H2AC15: variants seen among roughly 807,000 people sequenced by gnomAD.
The protein encoded by H2AC15 is histone H2A type 1.
In H2AC15, 7 loss-of-function variants were observed where a neutral mutation model predicts 7.8. The observed-to-expected ratio is 0.90, with a 90% CI of 0.51 to 1.69. H2AC15 has a LOEUF of 1.69. Ranked by LOEUF, H2AC15 falls within the 40% of genes most tolerant of loss-of-function variation. The pLI is 0.00. For missense variants in H2AC15, 234 were observed against 174.7 expected, an observed-to-expected ratio of 1.34 and a Z score of -1.91; for synonymous variants, 125 against 79.3, an observed-to-expected ratio of 1.58 and a Z score of -3.06.
Position 27,838,088 on chromosome 6 carries a change from C to T in H2AC15, c.252G>A (p.Leu84=), listed in dbSNP as rs1761063124. 1 of 1,614,054 alleles carries T rather than the reference C, an allele frequency of 6.2e-7. No homozygotes were observed. Among genetic ancestry groups the T allele is most frequent in the Non-Finnish European group, 8.5e-7 (1 of 1,180,024 alleles). ...CCTCGTCGTTGCGGATGGCCAGCTG[C>T]AAGTGGCGCGGGATGATGCGGGTCT... is the stretch of plus-strand genomic sequence containing the variant. ...NKKTRIIPRH[L]QLAIRNDEEL... Residue 84 remains leucine, a synonymous_variant, in exon 1 of 1, where the codon TTG becomes TTA. Coordinates refer to ENST00000618958, the MANE Select transcript of H2AC15 (RefSeq NM_003510.3).
chr6:27,838,278 C>G lies in H2AC15; in HGVS notation c.62G>C (p.Arg21Thr). The change falls in exon 1 of 1, where the codon AGG (arginine) becomes ACG (threonine). Residue 21 changes from arginine to threonine, a missense_variant. Arg to Thr is a moderately conservative substitution (Grantham distance 71). Coordinates refer to ENST00000618958, the MANE Select transcript of H2AC15 (RefSeq NM_003510.3). ...ARAKAKTRSS[R>T]AGLQFPVGRV... Reference sequence around the variant, plus strand: ...GCCCACTGGGAACTGAAGACCCGCCCTTGAAGAACGGGTCTTAGCCTTGGC... The same window carrying G: ...GCCCACTGGGAACTGAAGACCCGCCGTTGAAGAACGGGTCTTAGCCTTGGC... 6.2e-7 allele frequency: 1 copy of G among 1,612,632 alleles called. No individual in the cohort carries two copies. Among genetic ancestry groups the G allele is most frequent in the East Asian group, 2.2e-5 (1 of 44,824 alleles).
At position 27,838,104 on chromosome 6, in the gene H2AC15, A is replaced by C. The variant is rs748101619; in HGVS notation, c.236T>G (p.Ile79Ser). 5 of 1,614,042 alleles carry C rather than the reference A, an allele frequency of 3.1e-6. No individual in the cohort carries two copies. The highest frequency in any genetic ancestry group is 4.5e-5 in the East Asian group (2 of 44,894). ...NAARDNKKTR[I>S]IPRHLQLAIR... ...GGCCAGCTGCAAGTGGCGCGGGATG[A>C]TGCGGGTCTTCTTGTTGTCGCGGGC... The change falls in exon 1 of 1, where the codon ATC becomes AGC. Residue 79 changes from isoleucine (I) to serine (S), a missense_variant. Transcript: ENST00000618958.
In H2AC15 at chr6:27,838,242, C is replaced by T; in HGVS notation, c.98G>A (p.Arg33Gln). The T allele has an allele frequency of 6.8e-6, 11 of 1,613,904 alleles. No individual in the cohort carries two copies. Among genetic ancestry groups the T allele is most frequent in the Non-Finnish European group, 9.3e-6 (11 of 1,179,948 alleles). Residue 33 changes from arginine (R) to glutamine (Q), a missense_variant, in exon 1 of 1, where the codon CGA (arginine) becomes CAA (glutamine). Transcript: ENST00000618958. Reference protein sequence around the residue: ...GLQFPVGRVHRLLRKGNYAER... With the variant: ...GLQFPVGRVHQLLRKGNYAER... ...AGCGTAGTTGCCCTTGCGGAGCAGT[C>T]GGTGCACTCGGCCCACTGGGAACTG...
In H2AC15 at chr6:27,838,370, G is replaced by A. The variant is rs765052099; in HGVS notation, c.-31C>T. On this transcript the variant is annotated 5_prime_UTR_variant, in exon 1 of 1. Coordinates refer to ENST00000618958, the MANE Select transcript of H2AC15 (RefSeq NM_003510.3). Reference sequence around the variant, plus strand: ...AAAAAATTCAATCAGTAACGTTCCTGAGACTGACGTAACGCTAAAGCTCCG... The same window carrying A: ...AAAAAATTCAATCAGTAACGTTCCTAAGACTGACGTAACGCTAAAGCTCCG... The A allele has an allele frequency of 1.3e-6, 2 of 1,550,274 alleles. No individual in the cohort carries two copies. Among genetic ancestry groups the A allele is most frequent in the African/African-American group, 1.4e-5 (1 of 73,090 alleles).
At position 27,838,310 on chromosome 6, in the gene H2AC15, T is replaced by C; in HGVS notation, c.30A>G (p.Lys10=). The change falls in exon 1 of 1, where the codon AAA becomes AAG. Residue 10 remains lysine, a synonymous_variant. Transcript: ENST00000618958. The part of the protein sequence containing the change: MSGRGKQGG[K]ARAKAKTRSS... ...AACGGGTCTTAGCCTTGGCGCGAGCTTTGCCGCCCTGCTTGCCACGTCCCG... is the reference window on the plus strand; with the variant it reads ...AACGGGTCTTAGCCTTGGCGCGAGCCTTGCCGCCCTGCTTGCCACGTCCCG... 2 of 1,595,394 alleles carry C rather than the reference T, an allele frequency of 1.3e-6. No homozygotes were observed. Among genetic ancestry groups the C allele is most frequent in the South Asian group, 2.2e-5 (2 of 89,564 alleles).
chr6:27,838,369 T>A lies in H2AC15; in HGVS notation c.-30A>T, dbSNP rs1462658081. 1 of 1,551,438 alleles carries A rather than the reference T, an allele frequency of 6.4e-7. No individual in the cohort carries two copies. Among genetic ancestry groups the A allele is most frequent in the African/African-American group, 1.4e-5 (1 of 73,030 alleles). On this transcript the variant is annotated 5_prime_UTR_variant, in exon 1 of 1. Transcript: ENST00000618958. Reference sequence around the variant, plus strand: ...TAAAAAATTCAATCAGTAACGTTCCTGAGACTGACGTAACGCTAAAGCTCC... The same window carrying A: ...TAAAAAATTCAATCAGTAACGTTCCAGAGACTGACGTAACGCTAAAGCTCC...
chr6:27,838,289 G>A lies in H2AC15; in HGVS notation c.51C>T (p.Thr17=), dbSNP rs763605761. ...QGGKARAKAK[T]RSSRAGLQFP... is the part of the protein sequence containing the mutation. ...ACTGAAGACCCGCCCTTGAAGAACG[G>A]GTCTTAGCCTTGGCGCGAGCTTTGC... Residue 17 remains threonine, a synonymous_variant, in exon 1 of 1, where the codon ACC becomes ACT. Transcript: ENST00000618958. The A allele has an allele frequency of 3.1e-6, 5 of 1,606,628 alleles. No individual in the cohort carries two copies. Among genetic ancestry groups the A allele is most frequent in the Non-Finnish European group, 4.3e-6 (5 of 1,175,820 alleles).
rs1561933336 is a variant in H2AC15, at chr6:27,838,140, G to A, written c.200C>T (p.Ala67Val). ...EYLTAEILEL[A>V]GNAARDNKKT... ...CTTGTTGTCGCGGGCCGCGTTGCCA[G>A]CCAGTTCCAGGATCTCGGCGGTTAG... Residue 67 changes from alanine (A) to valine (V), a missense_variant, in exon 1 of 1, where the codon GCT becomes GTT. Coordinates refer to ENST00000618958, the MANE Select transcript of H2AC15 (RefSeq NM_003510.3). 7 of 1,614,192 alleles carry A rather than the reference G, an allele frequency of 4.3e-6. No individual in the cohort carries two copies. The highest frequency in any genetic ancestry group is 5.9e-6 in the Non-Finnish European group (7 of 1,180,046).
Position 27,838,316 on chromosome 6 carries a change from G to T in H2AC15, c.24C>A (p.Gly8=). 1.9e-6 allele frequency: 3 copies of T among 1,590,792 alleles called. No homozygotes were observed. The highest frequency in any genetic ancestry group is 2.6e-6 in the Non-Finnish European group (3 of 1,166,964). Residue 8 remains glycine (G), a synonymous_variant, in exon 1 of 1, where the codon GGC becomes GGA. Transcript: ENST00000618958. Reference sequence around the variant, plus strand: ...TCTTAGCCTTGGCGCGAGCTTTGCCGCCCTGCTTGCCACGTCCCGACATGA... The same window carrying T: ...TCTTAGCCTTGGCGCGAGCTTTGCCTCCCTGCTTGCCACGTCCCGACATGA... MSGRGKQ[G]GKARAKAKTR...
At position 27,838,301 on chromosome 6, in the gene H2AC15, G is replaced by A. The variant is rs766204134; in HGVS notation, c.39C>T (p.Ala13=). 3 of 1,601,646 alleles carry A rather than the reference G, an allele frequency of 1.9e-6. No individual in the cohort carries two copies. The highest frequency in any genetic ancestry group is 2.2e-5 in the East Asian group (1 of 44,696). Residue 13 remains alanine, a synonymous_variant, in exon 1 of 1, where the codon GCC becomes GCT. Transcript: ENST00000618958. ...GRGKQGGKAR[A]KAKTRSSRAG... is the part of the protein sequence containing the mutation. ...CCCTTGAAGAACGGGTCTTAGCCTT[G>A]GCGCGAGCTTTGCCGCCCTGCTTGC...
Position 27,838,109 on chromosome 6 carries a change from G to A in H2AC15, c.231C>T (p.Thr77=). ...GCTGCAAGTGGCGCGGGATGATGCG[G>A]GTCTTCTTGTTGTCGCGGGCCGCGT... ...AGNAARDNKK[T]RIIPRHLQLA... Residue 77 remains threonine, a synonymous_variant, in exon 1 of 1, where the codon ACC becomes ACT. Coordinates refer to ENST00000618958, the MANE Select transcript of H2AC15 (RefSeq NM_003510.3). The A allele has an allele frequency of 3.7e-6, 6 of 1,614,210 alleles. No individual in the cohort carries two copies. Among genetic ancestry groups the A allele is most frequent in the African/African-American group, 1.3e-5 (1 of 75,058 alleles).
In H2AC15 at chr6:27,838,312, TG is replaced by T; in HGVS notation, c.27del (p.Ala11LeufsTer49). The T allele has an allele frequency of 4.4e-6, 7 of 1,594,930 alleles. No individual in the cohort carries two copies. The highest frequency in any genetic ancestry group is 6.0e-6 in the Non-Finnish European group (7 of 1,168,972). On this transcript the variant is annotated frameshift_variant, in exon 1 of 1. Transcript: ENST00000618958. LOFTEE classifies it high-confidence loss of function. ...CGGGTCTTAGCCTTGGCGCGAGCTT[TG>T]CCGCCCTGCTTGCCACGTCCCGACA... is the stretch of plus-strand genomic sequence containing the variant. Reference protein sequence around the residue: MSGRGKQGGKARAKAKTRS... With the variant: MSGRGKQGXKARAKAKTRS...
Position 27,837,978 on chromosome 6 carries a change from G to A in H2AC15, c.362C>T (p.Thr121Ile), listed in dbSNP as rs528586578. ...NIQAVLLPKK[T>I]ESHHKAKGK Reference sequence around the variant, plus strand: ...GCCCTTGGCCTTGTGGTGGCTCTCAGTTTTCTTAGGCAGCAGCACGGCCTG... The same window carrying A: ...GCCCTTGGCCTTGTGGTGGCTCTCAATTTTCTTAGGCAGCAGCACGGCCTG... Residue 121 changes from threonine (T) to isoleucine (I), a missense_variant, in exon 1 of 1, where the codon ACT becomes ATT. Physicochemically the swap from Thr to Ile is moderately conservative, Grantham distance 89 (BLOSUM62 -1). Transcript: ENST00000618958. 7 of 1,614,204 alleles carry A rather than the reference G, an allele frequency of 4.3e-6. No individual in the cohort carries two copies. The Admixed American group carries it at 1.0e-4, about 23-fold the overall frequency.
At position 27,838,118 on chromosome 6, in the gene H2AC15, G is replaced by C. The variant is rs371861857; in HGVS notation, c.222C>G (p.Asn74Lys). 1.4e-4 allele frequency: 228 copies of C among 1,614,146 alleles called. 2 individuals are homozygous for C. In the East Asian group the frequency reaches 2.5e-3, roughly 18 times the overall value. The change falls in exon 1 of 1, where the codon AAC becomes AAG. Residue 74 changes from asparagine to lysine, a missense_variant. Physicochemically the swap from Asn to Lys is moderately conservative, Grantham distance 94 (BLOSUM62 0). Coordinates refer to ENST00000618958, the MANE Select transcript of H2AC15 (RefSeq NM_003510.3). Reference sequence around the variant, plus strand: ...GGCGCGGGATGATGCGGGTCTTCTTGTTGTCGCGGGCCGCGTTGCCAGCCA... The same window carrying C: ...GGCGCGGGATGATGCGGGTCTTCTTCTTGTCGCGGGCCGCGTTGCCAGCCA... Reference protein sequence around the residue: ...LELAGNAARDNKKTRIIPRHL... With the variant: ...LELAGNAARDKKKTRIIPRHL...
At position 27,837,983 on chromosome 6, in the gene H2AC15, C is replaced by G. The variant is rs551526680; in HGVS notation, c.357G>C (p.Lys119Asn). The G allele has an allele frequency of 6.2e-7, 1 of 1,614,224 alleles. No homozygotes were observed. Among genetic ancestry groups the G allele is most frequent in the Non-Finnish European group, 8.5e-7 (1 of 1,180,044 alleles). ...LPNIQAVLLP[K>N]KTESHHKAKG... is the part of the protein sequence containing the mutation. The stretch of plus-strand genomic sequence containing the variant: ...TGGCCTTGTGGTGGCTCTCAGTTTT[C>G]TTAGGCAGCAGCACGGCCTGGATAT... Residue 119 changes from lysine to asparagine, a missense_variant, in exon 1 of 1, where the codon AAG becomes AAC. Coordinates refer to ENST00000618958, the MANE Select transcript of H2AC15 (RefSeq NM_003510.3).
At position 27,838,200 on chromosome 6, in the gene H2AC15, C is replaced by G. The variant is rs1331027210; in HGVS notation, c.140G>C (p.Gly47Ala). The G allele has an allele frequency of 3.7e-6, 6 of 1,614,128 alleles. No homozygotes were observed. The highest frequency in any genetic ancestry group is 5.1e-6 in the Non-Finnish European group (6 of 1,180,036). Residue 47 changes from glycine (G) to alanine (A), a missense_variant, in exon 1 of 1, where the codon GGA (glycine) becomes GCA (alanine). Transcript: ENST00000618958. ...KGNYAERVGA[G>A]APVYLAAVLE... The stretch of plus-strand genomic sequence containing the variant: ...CACCGCCGCCAGGTACACCGGCGCT[C>G]CGGCACCGACCCGCTCAGCGTAGTT...
At position 27,838,119 on chromosome 6, in the gene H2AC15, T is replaced by C. The variant is rs776728807; in HGVS notation, c.221A>G (p.Asn74Ser). The C allele has an allele frequency of 1.9e-6, 3 of 1,614,036 alleles. No homozygotes were observed. Among genetic ancestry groups the C allele is most frequent in the South Asian group, 1.1e-5 (1 of 91,072 alleles). ...GCGCGGGATGATGCGGGTCTTCTTGTTGTCGCGGGCCGCGTTGCCAGCCAG... is the reference window on the plus strand; with the variant it reads ...GCGCGGGATGATGCGGGTCTTCTTGCTGTCGCGGGCCGCGTTGCCAGCCAG... The part of the protein sequence containing the change: ...LELAGNAARD[N>S]KKTRIIPRHL... The change falls in exon 1 of 1, where the codon AAC becomes AGC. Residue 74 changes from asparagine (N) to serine (S), a missense_variant. Transcript: ENST00000618958.
At position 27,838,261 on chromosome 6, in the gene H2AC15, G is replaced by A; in HGVS notation, c.79C>T (p.Pro27Ser). The A allele has an allele frequency of 1.2e-6, 2 of 1,613,368 alleles. No homozygotes were observed. Among genetic ancestry groups the A allele is most frequent in the Non-Finnish European group, 1.7e-6 (2 of 1,179,578 alleles). ...AGCAGTCGGTGCACTCGGCCCACTG[G>A]GAACTGAAGACCCGCCCTTGAAGAA... ...TRSSRAGLQF[P>S]VGRVHRLLRK... is the part of the protein sequence containing the mutation. Residue 27 changes from proline (P) to serine (S), a missense_variant, in exon 1 of 1, where the codon CCA (proline) becomes TCA (serine). Coordinates refer to ENST00000618958, the MANE Select transcript of H2AC15 (RefSeq NM_003510.3).
rs1469643080 is a variant in H2AC15 at position 27,838,110 on chromosome 6, G to A, written c.230C>T (p.Thr77Ile). 12 of 1,614,194 alleles carry A rather than the reference G, an allele frequency of 7.4e-6. No homozygotes were observed. Among genetic ancestry groups the A allele is most frequent in the East Asian group, 2.2e-5 (1 of 44,886 alleles). ...AGNAARDNKKTRIIPRHLQLA... is the reference protein window; with the variant it reads ...AGNAARDNKKIRIIPRHLQLA... ...CTGCAAGTGGCGCGGGATGATGCGG[G>A]TCTTCTTGTTGTCGCGGGCCGCGTT... Residue 77 changes from threonine (T) to isoleucine (I), a missense_variant, in exon 1 of 1, where the codon ACC (threonine) becomes ATC (isoleucine). Transcript: ENST00000618958.
Sources: gnomAD v4.1 joint callset for allele counts on GRCh38, gnomAD v4.1.1 for gene constraint, MANE v1.5 for transcripts, NCBI Gene and HGNC (gene_info 2026-07-23, HGNC 2026-07-21) for gene names.